The following CEMIP2 variants were observed in gnomAD, a reference collection of about 807,000 sequenced individuals.
CEMIP2 encodes the protein cell surface hyaluronidase CEMIP2.
A neutral mutation model predicts 146.9 loss-of-function variants in CEMIP2; 79 were observed. That is an observed-to-expected ratio of 0.54 (90% CI 0.45 to 0.65). The LOEUF (loss-of-function observed/expected upper bound fraction) is 0.65, where lower values mean the gene tolerates loss of function less well. CEMIP2 is among the 30% of genes least tolerant of loss of function. The pLI, the probability that CEMIP2 is intolerant of heterozygous loss-of-function variation, is 0.00. For synonymous variants in CEMIP2, 601 were observed against 606.3 expected (o/e 0.99, Z 0.13); for missense variants, 1,596 against 1,696.2 (o/e 0.94, Z 1.04).
intron 10 of CEMIP2, among the ~76,000 whole-genome samples, chr9:71,726,918 G>A (rs1407640579): frequency 6.6e-6 from 1 of 152,144 alleles, no homozygotes; most frequent in Non-Finnish European, 1.5e-5. Flanking sequence ...GATGGAGATG[G>A]GAGTGGGACG....
chr9:71,734,810 G>T lies in CEMIP2; in HGVS notation c.1389C>A (p.Val463=). Residue 463 remains valine (V), a synonymous_variant, in exon 6 of 24, where the codon GTC becomes GTA. Transcript: ENST00000377044. ...GTACTCTAAGCAGTTTAATACCTTT[G>T]ACTTTGACCTGAAAATGGCTGCATT... is the stretch of plus-strand genomic sequence containing the variant. The part of the protein sequence containing the change: ...CSECSHFQVK[V]KETPQFLHMG... The T allele has an allele frequency of 6.2e-7, 1 of 1,605,490 alleles. No homozygotes were observed. Among genetic ancestry groups the T allele is most frequent in the African/African-American group, 1.3e-5 (1 of 74,678 alleles).
intron 3 of CEMIP2, 61 bp from the exon 4 acceptor site, chr9:71,745,640 T>G (rs1824066732): frequency 6.8e-7 from 1 of 1,466,894 alleles, no homozygotes; most frequent in African/African-American, 1.4e-5. Context: ...TACAAGGAAA[T>G]AGATTTCACC....
At chr9:71,715,358 C>T (rs1267053605) in intron 14 of CEMIP2, among the ~76,000 whole-genome samples, 1 of 150,546 alleles carries the variant, frequency 6.6e-6, no homozygotes, top group East Asian at 2.0e-4. Flanking sequence ...ATCCTCCCAC[C>T]TCAGCCTTCC....
At chr9:71,719,086 G>A (rs1318237542) in intron 12 of CEMIP2, among the ~76,000 whole-genome samples, 1 of 151,944 alleles carries the variant, frequency 6.6e-6, no homozygotes, top group East Asian at 1.9e-4. Context: ...GCCCCATAAG[G>A]CCACCTATTT....
rs1415444178 is a variant in CEMIP2, at chr9:71,746,335, C to T, written c.338G>A (p.Cys113Tyr). The T allele has an allele frequency of 6.2e-7, 1 of 1,613,558 alleles. No homozygotes were observed. The highest frequency in any genetic ancestry group is 1.3e-5 in the African/African-American group (1 of 74,868). ...CCTGAGACGAGGATTTTGATCTGGG[C>T]AATTTTCTATAAACACATTGATATT... ...ISSKYAPDEN[C>Y]PDQNPRLRNW... The change falls in exon 3 of 24, where the codon TGC becomes TAC. Residue 113 changes from cysteine (C) to tyrosine (Y), a missense_variant. By Grantham distance (194) the Cys-to-Tyr change is radical (BLOSUM62 -2). Coordinates refer to ENST00000377044, the MANE Select transcript of CEMIP2 (RefSeq NM_013390.3).
chr9:71,687,501 TACAAACTCACTCTTTCA>T (rs1822100806), intron 22 of CEMIP2: 1 of 150,896 alleles, frequency 6.6e-6, no homozygotes. Context: ...TGTGTACACA[TACAAACTCACTCTTTCA>T]AAAACTTTAA....
At chr9:71,722,638 A>G in intron 11 of CEMIP2, 123 bp from the exon 12 acceptor site, 1 of 664,906 alleles carries the variant, frequency 1.5e-6, no homozygotes, top group Non-Finnish European at 2.4e-6. Context: ...GCAGGGAATC[A>G]ACAGCAAAGG....
In CEMIP2 at chr9:71,750,296, G is replaced by C; in HGVS notation, c.78C>G (p.Gly26=). The C allele has an allele frequency of 6.2e-7, 1 of 1,614,070 alleles. No individual in the cohort carries two copies. The highest frequency in any genetic ancestry group is 8.5e-7 in the Non-Finnish European group (1 of 1,180,006). ...PQNGNSRHPS[G]YVPGKVVPLR... is the part of the protein sequence containing the mutation. The stretch of plus-strand genomic sequence containing the variant: ...ATGGGACAACCTTCCCTGGAACATA[G>C]CCAGATGGGTGACGACTATTTCCAT... Residue 26 remains glycine (G), a synonymous_variant, in exon 2 of 24, where the codon GGC becomes GGG. Coordinates refer to ENST00000377044, the MANE Select transcript of CEMIP2 (RefSeq NM_013390.3).
intron 15 of CEMIP2, among the ~76,000 whole-genome samples, chr9:71,713,875 T>A (rs1408036625): frequency 6.6e-6 from 1 of 152,202 alleles, no homozygotes; most frequent in Non-Finnish European, 1.5e-5. Context: ...CAACAGGGCC[T>A]GACATATCAT....
chr9:71,685,745 T>C lies in CEMIP2; in HGVS notation c.3953A>G (p.Lys1318Arg). 6.2e-7 allele frequency: 1 copy of C among 1,611,824 alleles called. No individual in the cohort carries two copies. Residue 1318 changes from lysine (K) to arginine (R), a missense_variant and splice_region_variant, in exon 23 of 24, where the codon AAA becomes AGA. Transcript: ENST00000377044. ...GLAKPAHLYD[K>R]GSTIFLGFSG... The stretch of plus-strand genomic sequence containing the variant: ...CATGAAATAATACAAATACAAACCT[T>C]TGTCATAAAGATGAGCTGGTTTGGC...
intron 17 of CEMIP2, among the ~76,000 whole-genome samples, chr9:71,705,753 A>C (rs186866156): frequency 7.7e-4 from 115 of 149,926 alleles, no homozygotes; most frequent in African/African-American, 2.6e-3. Context: ...TGTTTAACAT[A>C]TATTTATATA....
chr9:71,717,105 G>A lies in CEMIP2; in HGVS notation c.2400-553C>T, dbSNP rs1178485987. 4.6e-5 allele frequency among the ~76,000 whole-genome samples: 7 copies of A among 152,296 alleles called. No individual in the cohort carries two copies. In the East Asian group the frequency reaches 1.2e-3, roughly 25 times the overall value. On this transcript the variant is annotated intron_variant, in intron 13 of 23. Coordinates refer to ENST00000377044, the MANE Select transcript of CEMIP2 (RefSeq NM_013390.3). The stretch of plus-strand genomic sequence containing the variant: ...GAGGTTTGCTTGAGCATAGAAAGTT[G>A]AGGCTGCAGTGAGCTATGATTGCAC...
intron 1 of CEMIP2, among the ~76,000 whole-genome samples, chr9:71,762,521 A>C (rs1487785103): frequency 6.6e-6 from 1 of 151,250 alleles, no homozygotes; most frequent in Non-Finnish European, 1.5e-5. Flanking sequence ...AAAAAAAAAA[A>C]AAAAACTGGC....
intron 21 of CEMIP2, among the ~76,000 whole-genome samples, chr9:71,692,055 G>A (rs1458857510): frequency 6.6e-6 from 1 of 150,902 alleles, no homozygotes; most frequent in Non-Finnish European, 1.5e-5. Context: ...GTTGCAGTGA[G>A]CCAAGATCAA....
At chr9:71,708,679 G>A (rs1287307081) in intron 17 of CEMIP2, among the ~76,000 whole-genome samples, 1 of 152,068 alleles carries the variant, frequency 6.6e-6, no homozygotes, top group Non-Finnish European at 1.5e-5. Flanking sequence ...TCTTCAAAGA[G>A]GTGTTTCTCA....
intron 10 of CEMIP2, among the ~76,000 whole-genome samples, chr9:71,727,411 T>C (rs935686375): frequency 2.0e-5 from 3 of 152,200 alleles, no homozygotes; most frequent in Non-Finnish European, 4.4e-5. Context: ...AAATATTTGA[T>C]GAAAAATCAA....
chr9:71,750,524 C>A (rs1824219869), intron 1 of CEMIP2, 139 bp from the exon 2 acceptor site: 1 of 623,962 alleles, frequency 1.6e-6, no homozygotes, highest in East Asian at 3.0e-5. Flanking sequence ...TCACCGCCAC[C>A]TCTGCCTCCC....
intron 5 of CEMIP2, among the ~76,000 whole-genome samples, chr9:71,739,528 G>A (rs1249473777): frequency 6.6e-6 from 1 of 151,934 alleles, no homozygotes; most frequent in Non-Finnish European, 1.5e-5. Context: ...AGTCATCTTG[G>A]AGGCAGAAAG....
At chr9:71,761,699 C>A (rs890733477) in intron 1 of CEMIP2, among the ~76,000 whole-genome samples, 1 of 152,136 alleles carries the variant, frequency 6.6e-6, no homozygotes, top group Non-Finnish European at 1.5e-5. Context: ...ACACTGGAGA[C>A]CCAATAGTAC....
Sources: gnomAD v4.1 joint callset for allele counts (sites outside exome capture counted in the v4.1 genomes callset) on GRCh38, gnomAD v4.1.1 for gene constraint, MANE v1.5 for transcripts, NCBI Gene and HGNC (gene_info 2026-07-23, HGNC 2026-07-21) for gene names.